Variants in KCNN2 observed in about 807,000 individuals in gnomAD.
KCNN2 encodes small conductance calcium-activated potassium channel protein 2.
In KCNN2, 24 loss-of-function variants were observed where a neutral mutation model predicts 55.5. The observed-to-expected ratio is 0.43, with a 90% CI of 0.31 to 0.61. KCNN2 has a LOEUF of 0.61. KCNN2 is among the 20% of genes least tolerant of loss of function. KCNN2 has a pLI of 0.08. For missense variants in KCNN2, 754 were observed against 853.6 expected, an observed-to-expected ratio of 0.88 and a Z score of 1.45; for synonymous variants, 431 against 336.1, an observed-to-expected ratio of 1.28 and a Z score of -3.09.
At chr5:114,388,972 T>A (rs2150062258) in intron 2 of KCNN2, among the ~76,000 whole-genome samples, 1 of 152,224 alleles carries the variant, frequency 6.6e-6, no homozygotes, top group East Asian at 1.9e-4. Context: ...GGCTTTGCAT[T>A]GTGTTGTAAT....
At chr5:114,247,109 G>A (rs1429690331) in intron 2 of KCNN2, among the ~76,000 whole-genome samples, 1 of 149,110 alleles carries the variant, frequency 6.7e-6, no homozygotes, top group Non-Finnish European at 1.5e-5. Context: ...CTCGAGATCA[G>A]CGTGACCAAC....
chr5:114,250,816 G>T (rs1468251771), intron 2 of KCNN2, among the ~76,000 whole-genome samples: 1 of 152,076 alleles, frequency 6.6e-6, no homozygotes, highest in East Asian at 1.9e-4. Flanking sequence ...TCTTACTAAT[G>T]GAAAGGAATT....
chr5:114,155,119 C>G (rs1020526278), intron 1 of KCNN2, among the ~76,000 whole-genome samples: 1 of 151,972 alleles, frequency 6.6e-6, no homozygotes, highest in Non-Finnish European at 1.5e-5. Context: ...GCTACTACTA[C>G]TAAGTGAGAA....
At chr5:114,317,817 C>CA (rs1756528709) in intron 2 of KCNN2, among the ~76,000 whole-genome samples, 1 of 152,228 alleles carries the variant, frequency 6.6e-6, no homozygotes, top group African/African-American at 2.4e-5. Context: ...CTACAATACT[C>CA]ACATATTTAG....
chr5:114,292,347 C>A (rs555884159), intron 2 of KCNN2, among the ~76,000 whole-genome samples: 1 of 152,232 alleles, frequency 6.6e-6, no homozygotes, highest in South Asian at 2.1e-4. Flanking sequence ...AGTCTTTAAT[C>A]CATCTTGAAT....
chr5:114,374,119 A>G (rs996824859), intron 2 of KCNN2, among the ~76,000 whole-genome samples: 12 of 152,224 alleles, frequency 7.9e-5, no homozygotes, highest in Non-Finnish European at 1.5e-4. Flanking sequence ...CATTTTCCAC[A>G]TAAACTTAAC....
intron 1 of KCNN2, among the ~76,000 whole-genome samples, chr5:114,168,772 A>G (rs576026116): frequency 1.3e-5 from 2 of 152,234 alleles, no homozygotes; most frequent in East Asian, 3.9e-4. Flanking sequence ...TATTAATGAT[A>G]TATGGCTAGT....
At chr5:114,461,659 C>T (rs1761203892) in intron 3 of KCNN2, among the ~76,000 whole-genome samples, 1 of 152,022 alleles carries the variant, frequency 6.6e-6, no homozygotes, top group Admixed American at 6.6e-5. Flanking sequence ...TGGAGAAAAG[C>T]TTATACCCTG....
chr5:114,222,712 C>T (rs1300220225), intron 2 of KCNN2, among the ~76,000 whole-genome samples: 1 of 152,080 alleles, frequency 6.6e-6, no homozygotes, highest in African/African-American at 2.4e-5. Context: ...AAAAAAGAAG[C>T]TGAATGAGAC....
chr5:114,444,335 A>C (rs371912256), intron 3 of KCNN2, among the ~76,000 whole-genome samples: 2 of 152,228 alleles, frequency 1.3e-5, no homozygotes, highest in Admixed American at 1.3e-4. Context: ...AGTATTAAGA[A>C]ATCACTGACT....
At chr5:114,118,904 TA>T (rs1438547926) in intron 1 of KCNN2, among the ~76,000 whole-genome samples, 1 of 151,792 alleles carries the variant, frequency 6.6e-6, no homozygotes, top group Non-Finnish European at 1.5e-5. Flanking sequence ...GGAGGCAGGA[TA>T]GGGGAGGGGA....
At chr5:114,215,908 A>G (rs534151127) in intron 1 of KCNN2, among the ~76,000 whole-genome samples, 37 of 152,296 alleles carry the variant, frequency 2.4e-4, no homozygotes, top group African/African-American at 8.7e-4. Flanking sequence ...AATACATTCT[A>G]GTTCTCTACC....
At chr5:114,280,055 G>T (rs1755590148) in intron 2 of KCNN2, among the ~76,000 whole-genome samples, 1 of 152,150 alleles carries the variant, frequency 6.6e-6, no homozygotes, top group African/African-American at 2.4e-5. Context: ...GGCCAGTGAT[G>T]ATGAGCATTT....
At chr5:114,213,868 T>C (rs1203958773) in intron 1 of KCNN2, among the ~76,000 whole-genome samples, 1 of 152,058 alleles carries the variant, frequency 6.6e-6, no homozygotes, top group Non-Finnish European at 1.5e-5. Flanking sequence ...AGTTCAAAGC[T>C]CTTGTTCTCT....
chr5:114,287,785 G>A (rs952747584), intron 2 of KCNN2, among the ~76,000 whole-genome samples: 5 of 151,832 alleles, frequency 3.3e-5, no homozygotes, highest in Admixed American at 1.3e-4. Flanking sequence ...AATACTCAGA[G>A]AGTAGGATGC....
At chr5:114,403,299 T>C (rs182181166) in intron 2 of KCNN2, among the ~76,000 whole-genome samples, 1 of 152,286 alleles carries the variant, frequency 6.6e-6, no homozygotes, top group East Asian at 1.9e-4. Flanking sequence ...GTAAATAAAG[T>C]AGACAATCAA....
At chr5:114,448,307 T>A (rs1390259791) in intron 3 of KCNN2, among the ~76,000 whole-genome samples, 2 of 152,296 alleles carry the variant, frequency 1.3e-5, no homozygotes, top group East Asian at 3.9e-4. Context: ...ACAAGGGTGT[T>A]CTGAAGCCTT....
At chr5:114,180,867 A>G (rs1211350205) in intron 1 of KCNN2, among the ~76,000 whole-genome samples, 1 of 152,190 alleles carries the variant, frequency 6.6e-6, no homozygotes, top group African/African-American at 2.4e-5. Flanking sequence ...AGAACTTCAT[A>G]TCAAATGGGT....
At chr5:114,228,525 G>A (rs951768872) in intron 2 of KCNN2, among the ~76,000 whole-genome samples, 2 of 151,976 alleles carry the variant, frequency 1.3e-5, no homozygotes, top group African/African-American at 4.8e-5. Flanking sequence ...GTCTGCTTCT[G>A]GGAAAAATGC....
Sources: gnomAD v4.1 joint callset for allele counts (sites outside exome capture counted in the v4.1 genomes callset) on GRCh38, gnomAD v4.1.1 for gene constraint, MANE v1.5 for transcripts, NCBI Gene and HGNC (gene_info 2026-07-23, HGNC 2026-07-21) for gene names.